ITGA7: variants seen among roughly 807,000 people sequenced by gnomAD.
ITGA7 encodes integrin alpha-7.
A neutral mutation model predicts 131.6 loss-of-function variants in ITGA7; 84 were observed. That is an observed-to-expected ratio of 0.64 (90% CI 0.54 to 0.77). The LOEUF (loss-of-function observed/expected upper bound fraction) is 0.77. ITGA7 is among the 30% of genes least tolerant of loss of function. The pLI is 0.00. For missense variants in ITGA7, 1,399 were observed against 1,482.9 expected (o/e 0.94, Z 0.93); for synonymous variants, 548 against 600.7 (o/e 0.91, Z 1.28).
At chr12:55,714,720 A>ATATATACACATATATACG (rs1565650599), upstream of ITGA7, among the ~76,000 whole-genome samples, 602 of 140,064 alleles carry the variant, frequency 4.3e-3, 4 homozygotes, top group African/African-American at 0.017. Context: ...ACATATATAC[A>ATATATACACATATATACG]TATACATACA....
chr12:55,702,808 A>G (rs934112144), intron 3 of ITGA7, 64 bp downstream of exon 3: 55 of 1,362,124 alleles, frequency 4.0e-5, no homozygotes, highest in Middle Eastern at 3.6e-4. Flanking sequence ...GCGTATGCAC[A>G]CACCATAAAC....
At position 55,694,604 on chromosome 12, in the gene ITGA7, G is replaced by A; in HGVS notation, c.2277+11C>T. ...GGCTACTCACGTAGGGATAAGGGCA[G>A]ATGTGCCAACCTGGGCACCTCTCTT... On this transcript the variant is annotated intron_variant, in intron 16 of 24. Transcript: ENST00000257879. The surrounding 1 kb of genome is among the most constrained non-coding windows in gnomAD (Gnocchi z 5.3). 6.2e-7 allele frequency: 1 copy of A among 1,613,978 alleles called. No homozygotes were observed. Among genetic ancestry groups the A allele is most frequent in the Non-Finnish European group, 8.5e-7 (1 of 1,179,848 alleles).
At position 55,694,567 on chromosome 12, in the gene ITGA7, G is replaced by C. The variant is rs756364930; in HGVS notation, c.2278-45C>G. The C allele has an allele frequency of 1.9e-6, 3 of 1,612,962 alleles. No individual in the cohort carries two copies. In the South Asian group the frequency reaches 3.3e-5, roughly 18 times the overall value. On this transcript the variant is annotated intron_variant, in intron 16 of 24. Coordinates refer to ENST00000257879, the MANE Select transcript of ITGA7 (RefSeq NM_002206.3). The surrounding 1 kb of genome is among the most constrained non-coding windows in gnomAD (Gnocchi z 5.3). Reference sequence around the variant, plus strand: ...AGATTAGAGTCAGGGGTGGTCTACGGGCTTATGGAGAGGCTACTCACGTAG... The same window carrying C: ...AGATTAGAGTCAGGGGTGGTCTACGCGCTTATGGAGAGGCTACTCACGTAG...
rs374374611 is a variant in ITGA7 at position 55,707,505 on chromosome 12, G to T, written c.178C>A (p.Arg60=). Reference sequence around the variant, plus strand: ...CTCTGGGGTCGGGGCTGCAACTGCCGGTGCAGGGCCACAGAGAAGCCGAAG... The same window carrying T: ...CTCTGGGGTCGGGGCTGCAACTGCCTGTGCAGGGCCACAGAGAAGCCGAAG... The part of the protein sequence containing the change: ...SLFGFSVALH[R]QLQPRPQSWL... The change falls in exon 1 of 25, where the codon CGG becomes AGG. Residue 60 remains arginine, a synonymous_variant. Transcript: ENST00000257879. 7 of 1,613,670 alleles carry T rather than the reference G, an allele frequency of 4.3e-6. No individual in the cohort carries two copies. The highest frequency in any genetic ancestry group is 5.9e-6 in the Non-Finnish European group (7 of 1,179,908).
chr12:55,704,993 A>C (rs2136085092), intron 1 of ITGA7, among the ~76,000 whole-genome samples: 1 of 152,326 alleles, frequency 6.6e-6, no homozygotes, highest in East Asian at 1.9e-4. Flanking sequence ...CCCCATAGGG[A>C]GTGTCAGAAT....
chr12:55,707,706 C>T lies in ITGA7; in HGVS notation c.-24G>A. On this transcript the variant is annotated 5_prime_UTR_variant, in exon 1 of 25. Coordinates refer to ENST00000257879, the MANE Select transcript of ITGA7 (RefSeq NM_002206.3). ...ATGGGACGATCCCTGCGCGAGCTCCCAGCGAATGCAAGGGAAATCTCGCAC... is the reference window on the plus strand; with the variant it reads ...ATGGGACGATCCCTGCGCGAGCTCCTAGCGAATGCAAGGGAAATCTCGCAC... 1.3e-6 allele frequency: 2 copies of T among 1,555,668 alleles called. No individual in the cohort carries two copies. The highest frequency in any genetic ancestry group is 1.7e-6 in the Non-Finnish European group (2 of 1,149,338).
Position 55,698,865 on chromosome 12 carries a change from A to G in ITGA7, c.843T>C (p.Phe281=), listed in dbSNP as rs573236644. ...KGLVRAEELS[F]VAGAPRANHK... ...GGTTGGCGCGGGGGGCTCCAGCCAC[A>G]AAGCTCAGCTCTTCTGCACGCACCA... Residue 281 remains phenylalanine, a synonymous_variant, in exon 6 of 25, where the codon TTT becomes TTC. Coordinates refer to ENST00000257879, the MANE Select transcript of ITGA7 (RefSeq NM_002206.3). 3.7e-6 allele frequency: 6 copies of G among 1,613,990 alleles called. No individual in the cohort carries two copies. In the East Asian group the frequency reaches 1.3e-4, roughly 36 times the overall value.
intron 1 of ITGA7, among the ~76,000 whole-genome samples, chr12:55,703,660 C>T (rs371306941): frequency 6.6e-6 from 1 of 152,128 alleles, no homozygotes; most frequent in African/African-American, 2.4e-5. Flanking sequence ...GAGTGTGGCT[C>T]AGGGACCAGC....
At chr12:55,716,306 G>A (rs1324500499), upstream of ITGA7, 9 of 1,514,436 alleles carry the variant, frequency 5.9e-6, no homozygotes, top group Middle Eastern at 9.0e-4. Context: ...CCAGCTAGCG[G>A]GCAACGGGCA....
chr12:55,687,169 CTTTTTTTTTTTT>C (rs1187388992), intron 24 of ITGA7, among the ~76,000 whole-genome samples: 4 of 88,174 alleles, frequency 4.5e-5, no homozygotes, highest in Admixed American at 1.2e-4. Flanking sequence ...CATCTGATTT[CTTTTTTTTTTTT>C]TTTTTTTTTT....
At chr12:55,710,561 G>A (rs140973030), upstream of ITGA7, among the ~76,000 whole-genome samples, 997 of 152,220 alleles carry the variant, frequency 6.5e-3, 11 homozygotes, top group African/African-American at 0.023. Context: ...AGGATCACTT[G>A]AGCCCAGGAG....
chr12:55,712,179 G>A, upstream of ITGA7: 3 of 1,551,414 alleles, frequency 1.9e-6, no homozygotes, highest in Non-Finnish European at 2.6e-6. Context: ...ATTCAGTGGG[G>A]AAACAGCTTG....
chr12:55,706,136 G>T (rs1426392378), intron 1 of ITGA7, among the ~76,000 whole-genome samples: 2 of 152,190 alleles, frequency 1.3e-5, no homozygotes, highest in Admixed American at 1.3e-4. Flanking sequence ...CCTAGAATTT[G>T]CCTGGAAATA....
chr12:55,707,610 C>A lies in ITGA7; in HGVS notation c.73G>T (p.Glu25Ter), dbSNP rs1441089563. 1 of 1,612,616 alleles carries A rather than the reference C, an allele frequency of 6.2e-7. No individual in the cohort carries two copies. Among genetic ancestry groups the A allele is most frequent in the South Asian group, 1.1e-5 (1 of 90,818 alleles). The change falls in exon 1 of 25, where the codon GAA (glutamate) becomes TAA (stop). Residue 25 changes from glutamate (E) to a stop codon, truncating the protein, a stop_gained. Coordinates refer to ENST00000257879, the MANE Select transcript of ITGA7 (RefSeq NM_002206.3). LOFTEE classifies it high-confidence loss of function. ...GCGACAGCCCGTGAGAAGAGCAGTTCGACGAGCAGGGAGCCAAAAAGGTAG... is the reference window on the plus strand; with the variant it reads ...GCGACAGCCCGTGAGAAGAGCAGTTAGACGAGCAGGGAGCCAAAAAGGTAG... ...ICYLFGSLLVELLFSRAVAFN... is the reference protein window; with the variant it reads ...ICYLFGSLLV
At position 55,698,852 on chromosome 12, in the gene ITGA7, G is replaced by A; in HGVS notation, c.856C>T (p.Pro286Ser). 1 of 1,613,682 alleles carries A rather than the reference G, an allele frequency of 6.2e-7. No homozygotes were observed. Among genetic ancestry groups the A allele is most frequent in the Non-Finnish European group, 8.5e-7 (1 of 1,179,920 alleles). Residue 286 changes from proline (P) to serine (S), a missense_variant, in exon 6 of 25, where the codon CCC becomes TCC. Pro to Ser is a moderately conservative substitution (Grantham distance 74). Transcript: ENST00000257879. ...ACAGCACCCTTGTGGTTGGCGCGGG[G>A]GGCTCCAGCCACAAAGCTCAGCTCT... ...AEELSFVAGA[P>S]RANHKGAVVI... is the part of the protein sequence containing the mutation.
chr12:55,688,475 A>G (rs781609141), intron 22 of ITGA7, among the ~76,000 whole-genome samples, 175 bp from the exon 23 acceptor site: 8 of 152,184 alleles, frequency 5.3e-5, no homozygotes, highest in South Asian at 2.1e-4. Flanking sequence ...CTGTAATCCC[A>G]GCACTTTGGG....
At chr12:55,696,199 C>G in intron 13 of ITGA7, 84 bp downstream of exon 13, 2 of 1,408,096 alleles carry the variant, frequency 1.4e-6, no homozygotes, top group Non-Finnish European at 1.9e-6. Flanking sequence ...GCTCTGTGAG[C>G]TGTGAATTGG....
upstream of ITGA7, among the ~76,000 whole-genome samples, chr12:55,710,370 A>G (rs866516805): frequency 2.6e-5 from 4 of 152,012 alleles, no homozygotes; most frequent in South Asian, 4.2e-4. Context: ...AAAAAAGAAA[A>G]AAAAAAGAAA....
rs1203264629 is a variant in ITGA7, at chr12:55,686,209, T to A, written c.3184-921A>T. 9 of 1,349,182 alleles carry A rather than the reference T, an allele frequency of 6.7e-6. No homozygotes were observed. The South Asian group carries it at 1.0e-4, about 15-fold the overall frequency. The allele number at this position is 1,349,182 out of a possible 1,614,324, so 83.6% of individuals were successfully genotyped here. ...CACACACACAACAGTTACCCCACAG[T>A]CCCTGGACCCCCAACTTCCATGGCT... On this transcript the variant is annotated intron_variant, in intron 24 of 24. Transcript: ENST00000257879.
Sources: allele counts gnomAD v4.1 joint callset (sites outside exome capture counted in the v4.1 genomes callset), GRCh38; gene constraint gnomAD v4.1.1; non-coding constraint Gnocchi (gnomAD v3.1); transcripts MANE v1.5; gene names NCBI Gene and HGNC (gene_info 2026-07-23, HGNC 2026-07-21).